The following CEP162 variants were observed in gnomAD, a reference collection of about 807,000 sequenced individuals.
CEP162 encodes the protein centrosomal protein of 162 kDa.
A neutral mutation model predicts 169.2 loss-of-function variants in CEP162; 141 were observed. That is an observed-to-expected ratio of 0.83 (90% confidence interval 0.73 to 0.96). CEP162 has a LOEUF of 0.96. Ranked by LOEUF, CEP162 falls within the 40% of genes least tolerant of loss-of-function variation. CEP162 has a pLI of 0.00. For synonymous variants in CEP162, 540 were observed against 526.4 expected, an observed-to-expected ratio of 1.03 and a Z score of -0.35; for missense variants, 1,600 against 1,587.2, an observed-to-expected ratio of 1.01 and a Z score of -0.14.
intron 25 of CEP162, among the ~76,000 whole-genome samples, chr6:84,142,618 A>G (rs915926296): frequency 6.6e-6 from 1 of 152,192 alleles, no homozygotes; most frequent in African/African-American, 2.4e-5. Flanking sequence ...TTAGTTTAAC[A>G]TTACTGATTT....
chr6:84,185,192 T>A lies in CEP162; in HGVS notation c.1658A>T (p.Lys553Ile). 1 of 1,609,732 alleles carries A rather than the reference T, an allele frequency of 6.2e-7. No individual in the cohort carries two copies. Among genetic ancestry groups the A allele is most frequent in the Non-Finnish European group, 8.5e-7 (1 of 1,176,592 alleles). The change falls in exon 13 of 27, where the codon AAA becomes ATA. Residue 553 changes from lysine (K) to isoleucine (I), a missense_variant. Transcript: ENST00000403245. The part of the protein sequence containing the change: ...RSISTSNQPR[K>I]KEILSGTKLI... ...AATAAAGAGTATATGATTACCTTTT[T>A]TCCTAGGTTGATTGGAGGTAGAAAT...
chr6:84,188,570 T>A (rs964482087), intron 11 of CEP162, among the ~76,000 whole-genome samples: 1 of 152,198 alleles, frequency 6.6e-6, no homozygotes, highest in Non-Finnish European at 1.5e-5. Context: ...CCTCATTCGT[T>A]TTTATGGCTG....
intron 8 of CEP162, among the ~76,000 whole-genome samples, chr6:84,201,151 G>A (rs966393087): frequency 5.3e-5 from 8 of 152,084 alleles, no homozygotes; most frequent in South Asian, 2.1e-4. Flanking sequence ...GGTGGCAGGC[G>A]CCTGTAGTTC....
At position 84,155,291 on chromosome 6, in the gene CEP162, C is replaced by T; in HGVS notation, c.2994+7G>A. ...GACCTTTATCTCTGAGGCTACTTAC[C>T]ACTTACCTTCATTTTCTGAAACTGT... On this transcript the variant is annotated splice_region_variant and intron_variant, in intron 22 of 26. Transcript: ENST00000403245. The T allele has an allele frequency of 1.2e-6, 2 of 1,610,570 alleles. No homozygotes were observed.
chr6:84,199,620 A>G (rs571726791), intron 9 of CEP162, among the ~76,000 whole-genome samples: 72 of 151,616 alleles, frequency 4.7e-4, no homozygotes, highest in African/African-American at 1.7e-3. Context: ...TGAGTTGGTT[A>G]GCGATTTCTA....
At chr6:84,139,156 G>C (rs2099515424) in intron 25 of CEP162, among the ~76,000 whole-genome samples, 2 of 152,162 alleles carry the variant, frequency 1.3e-5, no homozygotes, top group South Asian at 4.1e-4. Flanking sequence ...CTAAAAGTAG[G>C]AAATACATTT....
chr6:84,215,224 C>A, intron 5 of CEP162, 58 bp downstream of exon 5: 2 of 937,326 alleles, frequency 2.1e-6, no homozygotes, highest in Non-Finnish European at 3.0e-6. Context: ...ACACATATAT[C>A]AGCCTTCCAA....
intron 13 of CEP162, among the ~76,000 whole-genome samples, chr6:84,176,578 G>C (rs2099532504): frequency 6.6e-6 from 1 of 152,148 alleles, no homozygotes; most frequent in Admixed American, 6.5e-5. Flanking sequence ...AATCCAAACT[G>C]CTCTAAAATC....
At chr6:84,137,108 G>C (rs184692379) in intron 25 of CEP162, among the ~76,000 whole-genome samples, 5 of 152,348 alleles carry the variant, frequency 3.3e-5, no homozygotes, top group African/African-American at 1.2e-4. Flanking sequence ...ATACCTGGCA[G>C]GTGGTATGAG....
chr6:84,173,998 T>C (rs1377991921), intron 16 of CEP162, 50 bp downstream of exon 16: 1 of 1,535,646 alleles, frequency 6.5e-7, no homozygotes, highest in Admixed American at 1.8e-5. Flanking sequence ...CTTATTTTTA[T>C]AACTAAAAGA....
At chr6:84,196,201 T>A (rs548834235) in intron 9 of CEP162, among the ~76,000 whole-genome samples, 2 of 152,272 alleles carry the variant, frequency 1.3e-5, no homozygotes, top group East Asian at 3.9e-4. Context: ...GTGGGTCTTT[T>A]CTGTGTTGTT....
At chr6:84,163,597 C>T (rs2099526590) in intron 18 of CEP162, among the ~76,000 whole-genome samples, 1 of 151,720 alleles carries the variant, frequency 6.6e-6, no homozygotes, top group Admixed American at 6.6e-5. Flanking sequence ...CCTCTTCTAC[C>T]TCTGGCCCCT....
At chr6:84,177,012 G>C (rs1219588414) in intron 13 of CEP162, among the ~76,000 whole-genome samples, 1 of 151,708 alleles carries the variant, frequency 6.6e-6, no homozygotes, top group Non-Finnish European at 1.5e-5. Context: ...TGACATAAAT[G>C]AATCATTAAA....
chr6:84,199,506 A>G (rs992851730), intron 9 of CEP162, among the ~76,000 whole-genome samples: 1 of 151,542 alleles, frequency 6.6e-6, no homozygotes, highest in Non-Finnish European at 1.5e-5. Flanking sequence ...CACTATTGTG[A>G]TACCACAGAC....
At chr6:84,180,841 A>G (rs1435109537) in intron 13 of CEP162, among the ~76,000 whole-genome samples, 8 of 152,180 alleles carry the variant, frequency 5.3e-5, no homozygotes, top group Admixed American at 5.2e-4. Flanking sequence ...CAACGAAATA[A>G]AAGAGGACAC....
intron 12 of CEP162, 144 bp downstream of exon 12, chr6:84,186,188 T>C (rs2099537068): frequency 1.9e-6 from 1 of 515,746 alleles, no homozygotes; most frequent in Non-Finnish European, 3.4e-6. Flanking sequence ...CAAACATCAC[T>C]CACAAATATC....
intron 6 of CEP162, among the ~76,000 whole-genome samples, chr6:84,205,369 C>T (rs1462108735): frequency 3.3e-5 from 5 of 152,178 alleles, no homozygotes; most frequent in Non-Finnish European, 7.3e-5. Context: ...AGCTTATCCA[C>T]CACGATCAAG....
chr6:84,150,991 T>C (rs1484064361), intron 23 of CEP162, among the ~76,000 whole-genome samples: 3 of 152,090 alleles, frequency 2.0e-5, no homozygotes, highest in Admixed American at 1.3e-4. Flanking sequence ...TTGGTACATA[T>C]TAGTAAGTTA....
At chr6:84,190,638 C>T (rs1393661695) in intron 11 of CEP162, among the ~76,000 whole-genome samples, 4 of 152,080 alleles carry the variant, frequency 2.6e-5, no homozygotes, top group Admixed American at 2.0e-4. Context: ...TCTGCAGCTT[C>T]ACTCCTGAGC....
Sources: allele counts gnomAD v4.1 joint callset (sites outside exome capture counted in the v4.1 genomes callset), GRCh38; gene constraint gnomAD v4.1.1; transcripts MANE v1.5; gene names NCBI Gene and HGNC (gene_info 2026-07-23, HGNC 2026-07-21).